CDKAL1: variants seen among roughly 807,000 people sequenced by gnomAD.
CDKAL1 encodes CDKAL1 threonylcarbamoyladenosine tRNA methylthiotransferase, also known as threonylcarbamoyladenosine tRNA methylthiotransferase.
CDKAL1 carries 32 observed loss-of-function variants against 68.2 expected under a neutral mutation model. The observed-to-expected ratio is 0.47, with a 90% CI of 0.35 to 0.63. CDKAL1 has a LOEUF of 0.63. Ranked by LOEUF, CDKAL1 falls within the 30% of genes least tolerant of loss-of-function variation. The pLI is 0.00. For synonymous variants in CDKAL1, 234 were observed against 244.3 expected, an observed-to-expected ratio of 0.96 and a Z score of 0.39; for missense variants, 606 against 696.7, an observed-to-expected ratio of 0.87 and a Z score of 1.47.
At chr6:20,733,618 T>G (rs1482694957) in intron 5 of CDKAL1, among the ~76,000 whole-genome samples, 1 of 152,198 alleles carries the variant, frequency 6.6e-6, no homozygotes, top group Non-Finnish European at 1.5e-5. Context: ...CTTGCTTAGT[T>G]TTGATTGGCC....
At chr6:20,838,768 A>G (rs1347971608) in intron 8 of CDKAL1, among the ~76,000 whole-genome samples, 1 of 152,034 alleles carries the variant, frequency 6.6e-6, no homozygotes, top group African/African-American at 2.4e-5. Flanking sequence ...AGGTCAGGAG[A>G]TCGAGACCAT....
At chr6:20,904,357 G>A (rs775364712) in intron 9 of CDKAL1, among the ~76,000 whole-genome samples, 21 of 152,010 alleles carry the variant, frequency 1.4e-4, no homozygotes, top group Non-Finnish European at 2.1e-4. Flanking sequence ...GCAACATAGC[G>A]AGACCCCATC....
intron 4 of CDKAL1, among the ~76,000 whole-genome samples, chr6:20,606,662 T>C (rs531912344): frequency 5.4e-4 from 83 of 152,346 alleles, no homozygotes; most frequent in African/African-American, 2.0e-3. Context: ...ATCATCTTAA[T>C]GCGTGTTAGA....
At chr6:20,569,098 A>T (rs1472527156) in intron 4 of CDKAL1, among the ~76,000 whole-genome samples, 1 of 152,220 alleles carries the variant, frequency 6.6e-6, no homozygotes, top group Non-Finnish European at 1.5e-5. Context: ...TATAGAGCAT[A>T]GAGGTGGTTT....
intron 13 of CDKAL1, among the ~76,000 whole-genome samples, chr6:21,170,674 TA>T (rs1165868444): frequency 6.6e-6 from 1 of 151,832 alleles, no homozygotes; most frequent in South Asian, 2.1e-4. Context: ...AGTTTGGCAT[TA>T]AAAAAAAGTC....
intron 11 of CDKAL1, among the ~76,000 whole-genome samples, chr6:21,003,700 T>C (rs1222214091): frequency 2.0e-5 from 3 of 152,172 alleles, no homozygotes; most frequent in Admixed American, 6.5e-5. Flanking sequence ...AACACCAAAG[T>C]TTCAGGGCTT....
At chr6:20,588,889 C>A (rs1304419269) in intron 4 of CDKAL1, among the ~76,000 whole-genome samples, 1 of 151,952 alleles carries the variant, frequency 6.6e-6, no homozygotes, top group African/African-American at 2.4e-5. Flanking sequence ...TCCAGCCTAG[C>A]TACCATCCAT....
rs111348728 is a variant in CDKAL1 at position 20,592,459 on chromosome 6, T to C, written c.286+43754T>C. 4.3e-3 allele frequency among the ~76,000 whole-genome samples: 642 copies of C among 148,402 alleles called. 6 individuals carry two copies. Among genetic ancestry groups the C allele is most frequent in the African/African-American group, 0.015 (607 of 40,588 alleles). The stretch of plus-strand genomic sequence containing the variant: ...GTCTTGTGTGGTTTTTCAAAGGGAA[T>C]GCTTCCAGCTTTTTTTTTTTTTTTT... On this transcript the variant is annotated intron_variant, in intron 4 of 15. Transcript: ENST00000274695.
At chr6:21,069,704 T>A (rs556974983) in intron 12 of CDKAL1, among the ~76,000 whole-genome samples, 1 of 151,608 alleles carries the variant, frequency 6.6e-6, no homozygotes, top group African/African-American at 2.4e-5. Context: ...GAAGAGTTTG[T>A]ATAGAAGTAA....
chr6:20,798,240 A>G (rs1470750515), intron 8 of CDKAL1, among the ~76,000 whole-genome samples: 1 of 152,280 alleles, frequency 6.6e-6, no homozygotes, highest in Non-Finnish European at 1.5e-5. Context: ...GGGTAAGGGT[A>G]TAGCACAAGG....
At chr6:20,882,733 A>G (rs1407122168) in intron 9 of CDKAL1, among the ~76,000 whole-genome samples, 1 of 152,202 alleles carries the variant, frequency 6.6e-6, no homozygotes, top group African/African-American at 2.4e-5. Context: ...AATTATGAAT[A>G]AAGCCACTAT....
intron 5 of CDKAL1, among the ~76,000 whole-genome samples, chr6:20,683,147 G>C (rs1181587916): frequency 6.6e-6 from 1 of 151,936 alleles, no homozygotes; most frequent in African/African-American, 2.4e-5. Context: ...TGAGTAATGT[G>C]TTAGGTACTT....
At chr6:20,662,669 T>G (rs149957493) in intron 5 of CDKAL1, among the ~76,000 whole-genome samples, 12 of 152,270 alleles carry the variant, frequency 7.9e-5, no homozygotes, top group African/African-American at 2.6e-4. Flanking sequence ...TCCCAGCATC[T>G]TATACAGTGA....
intron 13 of CDKAL1, among the ~76,000 whole-genome samples, chr6:21,188,793 T>C (rs936631941): frequency 2.0e-5 from 3 of 152,128 alleles, no homozygotes; most frequent in Non-Finnish European, 4.4e-5. Flanking sequence ...GTAGATTTCA[T>C]GTTATATGTT....
chr6:20,633,506 A>G (rs887980205), intron 4 of CDKAL1, among the ~76,000 whole-genome samples: 6 of 152,164 alleles, frequency 3.9e-5, no homozygotes, highest in Admixed American at 6.6e-5. Flanking sequence ...TTGATGTACA[A>G]GTTTTTATGT....
chr6:20,900,661 G>C (rs761487640), intron 9 of CDKAL1, among the ~76,000 whole-genome samples: 1 of 152,192 alleles, frequency 6.6e-6, no homozygotes, highest in Non-Finnish European at 1.5e-5. Context: ...CAACACCTGT[G>C]CAGTAGTCAT....
In CDKAL1 at chr6:20,982,926, T is replaced by C. The variant is rs181870997; in HGVS notation, c.910-17301T>C. The stretch of plus-strand genomic sequence containing the variant: ...TTGGCTTCCCAAATGGAACTTTTTC[T>C]TCATCTCTCTTTACATGCTAAAGGA... On this transcript the variant is annotated intron_variant, in intron 10 of 15. Transcript: ENST00000274695. 4.2e-3 allele frequency among the ~76,000 whole-genome samples: 636 copies of C among 152,342 alleles called. 5 individuals carry two copies. The highest frequency in any genetic ancestry group is 0.015 in the African/African-American group (606 of 41,580).
rs764266426 is a variant in CDKAL1 at position 21,079,976 on chromosome 6, C to CTG, written c.1236+14780_1236+14781dup. ...TAAGATAAGCTTATCAACTTTGTCTCTGTGTGTGTGTGTGTGTGTGTGTGT... is the reference window on the plus strand; with the variant it reads ...TAAGATAAGCTTATCAACTTTGTCTCTGTGTGTGTGTGTGTGTGTGTGTGTGT... On this transcript the variant is annotated intron_variant, in intron 12 of 15. Transcript: ENST00000274695. Among the ~76,000 whole-genome samples the CTG allele has an allele frequency of 5.6e-3, 758 of 135,840 alleles. 5 individuals carry two copies. The highest frequency in any genetic ancestry group is 0.016 in the South Asian group (63 of 3,906). The allele number at this position is 135,840 out of a possible 152,430, so 89.1% of individuals were successfully genotyped here.
intron 5 of CDKAL1, among the ~76,000 whole-genome samples, chr6:20,677,533 G>A (rs147005685): frequency 2.3e-4 from 35 of 151,402 alleles, no homozygotes; most frequent in African/African-American, 8.0e-4. Context: ...ATTCTCCTGC[G>A]TCAGCCTCCC....
Sources: allele counts gnomAD v4.1 joint callset (sites outside exome capture counted in the v4.1 genomes callset), GRCh38; gene constraint gnomAD v4.1.1; transcripts MANE v1.5; gene names NCBI Gene and HGNC (gene_info 2026-07-23, HGNC 2026-07-21).